ARAP2: variants seen among roughly 807,000 people sequenced by gnomAD.
ARAP2 encodes the protein arf-GAP with Rho-GAP domain, ANK repeat and PH domain-containing protein 2.
Under a neutral mutation model 194.5 loss-of-function variants are expected in ARAP2, and 148 were observed. The observed-to-expected ratio is 0.76, with a 90% CI of 0.67 to 0.87. ARAP2 has a LOEUF of 0.87. Among genes scored for constraint, ARAP2 ranks in the 40% least tolerant of loss-of-function variants. ARAP2 has a pLI of 0.00. For missense variants in ARAP2, 2,128 were observed against 1,989.7 expected, an observed-to-expected ratio of 1.07 and a Z score of -1.32; for synonymous variants, 695 against 683.5, an observed-to-expected ratio of 1.02 and a Z score of -0.26.
intron 6 of ARAP2, among the ~76,000 whole-genome samples, chr4:36,196,360 G>A (rs1040785839): frequency 6.6e-6 from 1 of 152,114 alleles, no homozygotes; most frequent in African/African-American, 2.4e-5. Flanking sequence ...AGGATCAGTC[G>A]AAGATGCAGC....
At chr4:36,005,596 A>G (rs1258495428) in intron 10 of ARAP2, 2 of 152,146 alleles carry the variant, frequency 1.3e-5, no homozygotes, top group African/African-American at 4.8e-5. Flanking sequence ...AAATCCACCC[A>G]CAAATGAGGC....
At chr4:36,014,318 GAAAGAGAGAA>G (rs1560264950) in intron 8 of ARAP2, among the ~76,000 whole-genome samples, 3 of 119,250 alleles carry the variant, frequency 2.5e-5, no homozygotes, top group African/African-American at 1.2e-4. Flanking sequence ...AGGAAAGAAA[GAAAGAGAGAA>G]AGAAAGAAAG....
chr4:36,076,047 C>A (rs1728181579), intron 31 of ARAP2, among the ~76,000 whole-genome samples: 1 of 152,096 alleles, frequency 6.6e-6, no homozygotes. Flanking sequence ...GAAAATACTC[C>A]CATCATGAAA....
intron 16 of ARAP2, among the ~76,000 whole-genome samples, chr4:36,150,033 G>A (rs2109717683): frequency 6.6e-6 from 1 of 152,182 alleles, no homozygotes; most frequent in East Asian, 1.9e-4. Flanking sequence ...TGCTTTTAAA[G>A]TCCTGACAAA....
chr4:36,048,950 T>G (rs749064033), intron 3 of ARAP2, among the ~76,000 whole-genome samples: 5 of 152,108 alleles, frequency 3.3e-5, no homozygotes, highest in Non-Finnish European at 7.4e-5. Flanking sequence ...TGGTTGTGAT[T>G]TGCATGTTTT....
chr4:36,031,822 C>T (rs1282994518), intron 5 of ARAP2, among the ~76,000 whole-genome samples: 1 of 152,060 alleles, frequency 6.6e-6, no homozygotes, highest in Non-Finnish European at 1.5e-5. Context: ...GCGCCCGCCA[C>T]CACACCCAGC....
chr4:36,043,091 C>T (rs990515186), intron 5 of ARAP2, among the ~76,000 whole-genome samples: 2 of 152,170 alleles, frequency 1.3e-5, no homozygotes, highest in Non-Finnish European at 1.5e-5. Flanking sequence ...GATCTGCCCA[C>T]ATTGGCCTCC....
Position 36,240,171 on chromosome 4 carries a change from C to T in ARAP2, c.-160+4008G>A, listed in dbSNP as rs113385940. On this transcript the variant is annotated intron_variant, in intron 1 of 32. Transcript: ENST00000303965. ...TAAAAATTTAAGATATATAAGAATA[C>T]CTGACATGAGTTACAACTGCACCAT... Among the ~76,000 whole-genome samples the T allele has an allele frequency of 7.0e-3, 1,072 of 152,186 alleles. 9 individuals are homozygous for T. Among genetic ancestry groups the T allele is most frequent in the Admixed American group, 0.012 (188 of 15,274 alleles).
At chr4:36,156,487 GAA>G (rs1380005651) in intron 15 of ARAP2, among the ~76,000 whole-genome samples, 1 of 123,178 alleles carries the variant, frequency 8.1e-6, no homozygotes, top group Non-Finnish European at 1.7e-5. Flanking sequence ...AAGAAAGAAA[GAA>G]AAAGGAAGGA....
At chr4:36,068,726 C>T (rs1432445323) in intron 32 of ARAP2, among the ~76,000 whole-genome samples, 1 of 152,166 alleles carries the variant, frequency 6.6e-6, no homozygotes, top group Non-Finnish European at 1.5e-5. Context: ...CCGCTGTAGG[C>T]TAATATAAAT....
At chr4:36,171,531 G>T (rs979322081) in intron 9 of ARAP2, among the ~76,000 whole-genome samples, 12 of 151,582 alleles carry the variant, frequency 7.9e-5, no homozygotes, top group Admixed American at 2.0e-4. Context: ...GGGGTGGGGG[G>T]AGTGGGGAGG....
chr4:36,074,883 G>A (rs1308702968), intron 31 of ARAP2, among the ~76,000 whole-genome samples: 1 of 144,668 alleles, frequency 6.9e-6, no homozygotes, highest in Non-Finnish European at 1.5e-5. Flanking sequence ...CTGCCAAGCT[G>A]TATGTTTATC....
intron 5 of ARAP2, among the ~76,000 whole-genome samples, chr4:36,042,592 C>G (rs972782591): frequency 1.3e-5 from 2 of 152,178 alleles, no homozygotes; most frequent in South Asian, 2.1e-4. Flanking sequence ...TAATGTCTTT[C>G]TTTTACTTCC....
intron 28 of ARAP2, among the ~76,000 whole-genome samples, chr4:36,091,373 T>C (rs1713604965): frequency 6.6e-6 from 1 of 152,108 alleles, no homozygotes; most frequent in African/African-American, 2.4e-5. Context: ...CACAATTATT[T>C]AATAAGATCT....
At position 36,067,687 on chromosome 4, in the gene ARAP2, T is replaced by A. The variant is rs1189650813; in HGVS notation, c.*220A>T. 6.6e-6 allele frequency: 3 copies of A among 457,962 alleles called. No homozygotes were observed. The highest frequency in any genetic ancestry group is 5.9e-5 in the African/African-American group (3 of 50,460). 28.4% of individuals were successfully genotyped at this position (457,962 alleles called of 1,614,324 possible). A position where few individuals can be genotyped will look rare whatever the true frequency, so the allele number is the denominator to read the frequency against. On this transcript the variant is annotated 3_prime_UTR_variant, in exon 33 of 33. Coordinates refer to ENST00000303965, the MANE Select transcript of ARAP2 (RefSeq NM_015230.4). ...TGTCTTCTTACACACGTTAATACAA[T>A]GGAACTTTACAAGGTTTGTTCAGAC...
chr4:36,195,190 A>G (rs1403105481), intron 6 of ARAP2, among the ~76,000 whole-genome samples: 2 of 152,026 alleles, frequency 1.3e-5, no homozygotes, highest in African/African-American at 2.4e-5. Context: ...TTAAAAGCAT[A>G]TTACCACAAC....
intron 5 of ARAP2, among the ~76,000 whole-genome samples, chr4:36,019,925 A>G (rs972950649): frequency 5.3e-5 from 8 of 152,290 alleles, no homozygotes; most frequent in African/African-American, 1.9e-4. Context: ...GAAACCTCAG[A>G]TAGTGCTGAA....
At chr4:36,206,025 C>T (rs1435197235) in intron 6 of ARAP2, among the ~76,000 whole-genome samples, 1 of 152,196 alleles carries the variant, frequency 6.6e-6, no homozygotes, top group Non-Finnish European at 1.5e-5. Flanking sequence ...TGACATATAA[C>T]ACCCTAGTCA....
At chr4:36,152,684 A>AC (rs1731282995) in intron 15 of ARAP2, among the ~76,000 whole-genome samples, 2 of 151,512 alleles carry the variant, frequency 1.3e-5, no homozygotes, top group African/African-American at 4.9e-5. Flanking sequence ...AAAAAAAAAA[A>AC]CTGCAAAGAA....
Sources: gnomAD v4.1 joint callset for allele counts (sites outside exome capture counted in the v4.1 genomes callset) on GRCh38, gnomAD v4.1.1 for gene constraint, MANE v1.5 for transcripts, NCBI Gene and HGNC (gene_info 2026-07-23, HGNC 2026-07-21) for gene names.